The following OR2T6 variants were observed in gnomAD, a reference collection of about 807,000 sequenced individuals.
OR2T6 encodes the protein olfactory receptor 2T6.
For missense variants in OR2T6, 424 were observed against 391.6 expected (o/e 1.08, Z -0.70); for synonymous variants, 174 against 148.0 (o/e 1.18, Z -1.27).
rs149801091 is a variant in OR2T6 at position 248,388,045 on chromosome 1, C to T, written c.437C>T (p.Ala146Val). The T allele has an allele frequency of 2.1e-4, 338 of 1,613,922 alleles. 1 individual carries two copies. The African/African-American group carries it at 4.1e-3, about 20-fold the overall frequency. ...TGGCGGGTCTGCTGGATGATCCTGG[C>T]CAGCTCTTGGTTCGGTGGGGCTTTG... ...ISWRVCWMIL[A>V]SSWFGGALDS... Residue 146 changes from alanine (A) to valine (V), a missense_variant, in exon 3 of 3, where the codon GCC (alanine) becomes GTC (valine). Physicochemically the swap from Ala to Val is moderately conservative, Grantham distance 64. Transcript: ENST00000641644.
At chr1:248,382,496 T>C (rs985811976) in intron 1 of OR2T6, among the ~76,000 whole-genome samples, 2 of 151,900 alleles carry the variant, frequency 1.3e-5, no homozygotes, top group African/African-American at 4.8e-5. Flanking sequence ...TATATTTTGC[T>C]TTTGTAATTC....
chr1:248,387,188 A>G (rs1053440083), intron 2 of OR2T6, among the ~76,000 whole-genome samples: 6 of 152,236 alleles, frequency 3.9e-5, no homozygotes, highest in African/African-American at 1.4e-4. Context: ...TATCACAGAA[A>G]TTCCCAATTT....
At chr1:248,386,480 C>T (rs1185319944) in intron 2 of OR2T6, among the ~76,000 whole-genome samples, 1 of 152,074 alleles carries the variant, frequency 6.6e-6, no homozygotes, top group Non-Finnish European at 1.5e-5. Context: ...AAAAATACAA[C>T]ACTAAGCAAA....
rs918492463 is a variant in OR2T6 at position 248,390,707 on chromosome 1, T to G, written c.*2172T>G. 1 of 152,152 alleles carries G rather than the reference T, an allele frequency of 6.6e-6. No individual in the cohort carries two copies. Among genetic ancestry groups the G allele is most frequent in the African/African-American group, 2.4e-5 (1 of 41,412 alleles). The allele number at this position is 152,152 out of a possible 1,614,324, so 9.4% of individuals were successfully genotyped here. ...GTGCCAGATAATATGAGGGAGCATTTCCAACCAAGAAGATGTTGAGGTACA... is the reference window on the plus strand; with the variant it reads ...GTGCCAGATAATATGAGGGAGCATTGCCAACCAAGAAGATGTTGAGGTACA... On this transcript the variant is annotated 3_prime_UTR_variant, in exon 3 of 3. Coordinates refer to ENST00000641644, the MANE Select transcript of OR2T6 (RefSeq NM_001005471.2).
At chr1:248,377,733 T>C (rs1013258729) in intron 1 of OR2T6, among the ~76,000 whole-genome samples, 1 of 152,224 alleles carries the variant, frequency 6.6e-6, no homozygotes, top group African/African-American at 2.4e-5. Flanking sequence ...ACGGATGCTC[T>C]GGTAAAGTGT....
Position 248,388,683 on chromosome 1 carries a change from A to C in OR2T6, c.*148A>C. The C allele has an allele frequency of 1.9e-6, 1 of 531,600 alleles. No individual in the cohort carries two copies. The highest frequency in any genetic ancestry group is 3.2e-6 in the Non-Finnish European group (1 of 313,580). 32.9% of individuals were successfully genotyped at this position (531,600 alleles called of 1,614,324 possible). Reference sequence around the variant, plus strand: ...CTGTGCTAAATGGTGTATCAACAGTACCCCCATCAAAAATGGGAAGTTGCT... The same window carrying C: ...CTGTGCTAAATGGTGTATCAACAGTCCCCCCATCAAAAATGGGAAGTTGCT... On this transcript the variant is annotated 3_prime_UTR_variant, in exon 3 of 3. Coordinates refer to ENST00000641644, the MANE Select transcript of OR2T6 (RefSeq NM_001005471.2).
At chr1:248,380,369 C>T (rs1661010727) in intron 1 of OR2T6, among the ~76,000 whole-genome samples, 1 of 151,510 alleles carries the variant, frequency 6.6e-6, no homozygotes, top group South Asian at 2.1e-4. Context: ...TCCTTTCTGC[C>T]CTCAAATATC....
chr1:248,387,893 C>T lies in OR2T6; in HGVS notation c.285C>T (p.Ile95=), dbSNP rs6693133. The change falls in exon 3 of 3, where the codon ATC becomes ATT. Residue 95 remains isoleucine (I), a synonymous_variant. Coordinates refer to ENST00000641644, the MANE Select transcript of OR2T6 (RefSeq NM_001005471.2). Reference sequence around the variant, plus strand: ...TGGGCGAGGGGACCATCTCTTTCATCGCCTGCACTGCTCAGTGCTTTCTCT... The same window carrying T: ...TGGGCGAGGGGACCATCTCTTTCATTGCCTGCACTGCTCAGTGCTTTCTCT... ...YLMGEGTISF[I]ACTAQCFLYM... 0.012 allele frequency: 19,688 copies of T among 1,598,318 alleles called. 1,936 individuals are homozygous for T. The African/African-American group carries it at 0.22, about 18-fold the overall frequency.
chr1:248,382,814 G>A (rs74153582), intron 1 of OR2T6, among the ~76,000 whole-genome samples: 13,527 of 152,146 alleles, frequency 0.089, 1,854 homozygotes, highest in African/African-American at 0.3. Flanking sequence ...GTGAGCCACC[G>A]TGCCCGGCCC....
chr1:248,381,603 A>G (rs1356489017), intron 1 of OR2T6, among the ~76,000 whole-genome samples: 1 of 148,432 alleles, frequency 6.7e-6, no homozygotes, highest in East Asian at 1.9e-4. Context: ...TTCTGTATAG[A>G]CAGAGATAGG....
At chr1:248,377,117 A>T (rs1660949905) in intron 1 of OR2T6, among the ~76,000 whole-genome samples, 1 of 152,188 alleles carries the variant, frequency 6.6e-6, no homozygotes. Flanking sequence ...CAGTCTGGCT[A>T]TGTTGAAAGC....
intron 1 of OR2T6, among the ~76,000 whole-genome samples, chr1:248,378,445 A>T (rs1660974909): frequency 7.8e-6 from 1 of 128,626 alleles, no homozygotes; most frequent in Non-Finnish European, 1.5e-5. Flanking sequence ...CTTACTCTTT[A>T]CCTCTAAGTT....
At position 248,388,576 on chromosome 1, in the gene OR2T6, A is replaced by G. The variant is rs1192491307; in HGVS notation, c.*41A>G. Reference sequence around the variant, plus strand: ...ATGAGGAAAGAATTCTGATGGTCTAAAACCTCCACATCCTGTTCAGGCATA... The same window carrying G: ...ATGAGGAAAGAATTCTGATGGTCTAGAACCTCCACATCCTGTTCAGGCATA... On this transcript the variant is annotated 3_prime_UTR_variant, in exon 3 of 3. Transcript: ENST00000641644. 25 of 1,453,418 alleles carry G rather than the reference A, an allele frequency of 1.7e-5. No homozygotes were observed. The highest frequency in any genetic ancestry group is 2.2e-5 in the Non-Finnish European group (24 of 1,074,264). The allele number at this position is 1,453,418 out of a possible 1,614,324, so 90.0% of individuals were successfully genotyped here. A position where few individuals can be genotyped will look rare whatever the true frequency, so the allele number is the denominator to read the frequency against.
chr1:248,381,862 C>CT (rs397782326), intron 1 of OR2T6, among the ~76,000 whole-genome samples: 1 of 151,548 alleles, frequency 6.6e-6, no homozygotes, highest in Non-Finnish European at 1.5e-5. Context: ...GTTTATCCCC[C>CT]CTAATTTATC....
chr1:248,384,047 A>C (rs76240473), intron 1 of OR2T6, among the ~76,000 whole-genome samples: 1 of 31,990 alleles, frequency 3.1e-5, no homozygotes, highest in Non-Finnish European at 5.1e-5. Context: ...CCTATCCTGA[A>C]GTGTTTCCTA....
At position 248,388,952 on chromosome 1, in the gene OR2T6, G is replaced by T; in HGVS notation, c.*417G>T. The T allele has an allele frequency of 5.7e-6, 1 of 174,490 alleles. No individual in the cohort carries two copies. The highest frequency in any genetic ancestry group is 1.2e-5 in the Non-Finnish European group (1 of 83,640). 10.8% of individuals were successfully genotyped at this position (174,490 alleles called of 1,614,324 possible). A position where few individuals can be genotyped will look rare whatever the true frequency, so the allele number is the denominator to read the frequency against. On this transcript the variant is annotated 3_prime_UTR_variant, in exon 3 of 3. Coordinates refer to ENST00000641644, the MANE Select transcript of OR2T6 (RefSeq NM_001005471.2). ...ATCAATTGGCTTGTCAAAGATTTAG[G>T]GATGCCAAGGTTTGAAAGACATATG...
chr1:248,382,046 A>G (rs1422379104), intron 1 of OR2T6, among the ~76,000 whole-genome samples: 2 of 152,190 alleles, frequency 1.3e-5, no homozygotes, highest in Admixed American at 1.3e-4. Context: ...TACAGAGCAA[A>G]TGGGGGAAAT....
chr1:248,377,565 G>C (rs1440772129), intron 1 of OR2T6, among the ~76,000 whole-genome samples: 1 of 152,234 alleles, frequency 6.6e-6, no homozygotes, highest in Non-Finnish European at 1.5e-5. Context: ...ATGAGGGCAA[G>C]GGCAGCATGG....
intron 1 of OR2T6, among the ~76,000 whole-genome samples, chr1:248,381,858 C>CG (rs1164511750): frequency 9.5e-5 from 1 of 10,524 alleles, no homozygotes; most frequent in Admixed American, 9.2e-4. Context: ...TACTGTTTAT[C>CG]CCCCCTAATT....
Sources: allele counts gnomAD v4.1 joint callset (sites outside exome capture counted in the v4.1 genomes callset), GRCh38; gene constraint gnomAD v4.1.1; transcripts MANE v1.5; gene names NCBI Gene and HGNC (gene_info 2026-07-23, HGNC 2026-07-21).